Variants in SCN1A observed in about 807,000 individuals in gnomAD.
SCN1A encodes sodium channel protein type 1 subunit alpha.
In SCN1A, 13 loss-of-function variants were observed where a neutral mutation model predicts 193.7. That is an observed-to-expected ratio of 0.07 (90% CI 0.04 to 0.11). The LOEUF (loss-of-function observed/expected upper bound fraction) is 0.11. Ranked by LOEUF, SCN1A falls within the 10% of genes least tolerant of loss-of-function variation. The pLI, the probability that SCN1A is intolerant of heterozygous loss-of-function variation, is 1.00. For missense variants in SCN1A, 1,432 were observed against 2,451.1 expected (o/e 0.58, Z 8.78); for synonymous variants, 781 against 843.6 (o/e 0.93, Z 1.29).
At chr2:166,014,821 G>A (rs1352559994) in intron 20 of SCN1A, among the ~76,000 whole-genome samples, 1 of 151,562 alleles carries the variant, frequency 6.6e-6, no homozygotes, top group Non-Finnish European at 1.5e-5. Flanking sequence ...AAGAGAAAGA[G>A]TTTTCATAGG....
upstream of SCN1A, among the ~76,000 whole-genome samples, chr2:166,132,328 G>C (rs556592202): frequency 6.6e-6 from 1 of 151,894 alleles, no homozygotes; most frequent in Non-Finnish European, 1.5e-5. Flanking sequence ...CTTGGTAAAT[G>C]TAATTTACTA....
At chr2:166,052,101 A>G in intron 8 of SCN1A, 113 bp from the exon 9 acceptor site, 1 of 932,120 alleles carries the variant, frequency 1.1e-6, no homozygotes, top group Non-Finnish European at 1.6e-6. Context: ...AATGTTTGCA[A>G]CGCTAGTGGA....
At chr2:166,092,886 A>T (rs1351956721) in intron 2 of SCN1A, among the ~76,000 whole-genome samples, 1 of 152,156 alleles carries the variant, frequency 6.6e-6, no homozygotes, top group Non-Finnish European at 1.5e-5. Flanking sequence ...GTGCCAACTC[A>T]GCCCTCACTC....
At chr2:166,002,912 A>ATT in intron 23 of SCN1A, 159 bp from the exon 24 acceptor site, 6 of 578,892 alleles carry the variant, frequency 1.0e-5, no homozygotes, top group African/African-American at 7.7e-5. Flanking sequence ...CTTAAAATTC[A>ATT]TTTTTTTTTC....
intron 24 of SCN1A, 47 bp downstream of exon 24, chr2:166,002,422 GTTA>G (rs1559126986): frequency 1.3e-6 from 2 of 1,527,754 alleles, no homozygotes; most frequent in South Asian, 2.3e-5. Flanking sequence ...TCATTATTTT[GTTA>G]TTATTCCAAA....
At chr2:166,009,863 CAATT>C in intron 22 of SCN1A, 22 bp from the exon 23 acceptor site, 1 of 1,601,428 alleles carries the variant, frequency 6.2e-7, no homozygotes, top group Non-Finnish European at 8.5e-7. Context: ...AAAATAATAA[CAATT>C]AATAAACAGA....
intron 2 of SCN1A, among the ~76,000 whole-genome samples, chr2:166,104,706 C>T (rs1017495642): frequency 6.6e-6 from 1 of 152,122 alleles, no homozygotes; most frequent in African/African-American, 2.4e-5. Context: ...GGCACCACTG[C>T]ACTCCAACCT....
At chr2:166,105,381 A>G (rs1052203954) in intron 2 of SCN1A, among the ~76,000 whole-genome samples, 1 of 152,236 alleles carries the variant, frequency 6.6e-6, no homozygotes, top group African/African-American at 2.4e-5. Context: ...ATCAACCAAC[A>G]ATTTTATGAA....
intron 5 of SCN1A, among the ~76,000 whole-genome samples, chr2:166,057,450 C>T (rs1699243656): frequency 6.6e-6 from 1 of 151,842 alleles, no homozygotes; most frequent in Non-Finnish European, 1.5e-5. Flanking sequence ...ATAAAGGGTC[C>T]AGGACTAGAA....
chr2:166,058,767 A>G (rs781315801), intron 4 of SCN1A, 79 bp from the exon 5 acceptor site: 6 of 834,554 alleles, frequency 7.2e-6, no homozygotes, highest in East Asian at 5.0e-5. Context: ...GTTACTTGTC[A>G]TAATAAATTA....
At chr2:166,131,360 G>A (rs1691650855), upstream of SCN1A, among the ~76,000 whole-genome samples, 1 of 151,152 alleles carries the variant, frequency 6.6e-6, no homozygotes, top group South Asian at 2.1e-4. Context: ...GGCGTAAGAT[G>A]TCATTTAGTC....
rs377255864 is a variant in SCN1A, at chr2:166,124,554, C to CAACA, written c.-142+2366_-142+2369dup. 7.9e-3 allele frequency among the ~76,000 whole-genome samples: 1,206 copies of CAACA among 152,074 alleles called. 16 individuals carry two copies. Among genetic ancestry groups the CAACA allele is most frequent in the African/African-American group, 0.027 (1,140 of 41,498 alleles). ...AGAGTGAGACTCTGTCTCAAAAAAA[C>CAACA]AACAAACAAACAAACAAACAAATGG... On this transcript the variant is annotated intron_variant, in intron 2 of 28. Coordinates refer to ENST00000674923, the MANE Select transcript of SCN1A (RefSeq NM_001165963.4).
intron 2 of SCN1A, among the ~76,000 whole-genome samples, chr2:166,088,032 C>T (rs752298655): frequency 3.0e-4 from 45 of 150,498 alleles, no homozygotes; most frequent in Non-Finnish European, 1.9e-4. Context: ...CTGAACATCT[C>T]TGTCAATCCC....
chr2:166,083,174 G>GA (rs1467883775), intron 2 of SCN1A, among the ~76,000 whole-genome samples: 1 of 151,922 alleles, frequency 6.6e-6, no homozygotes, highest in East Asian at 1.9e-4. Flanking sequence ...TTCTTTTCTA[G>GA]AAATAATTTG....
intron 11 of SCN1A, among the ~76,000 whole-genome samples, chr2:166,047,338 T>C (rs1697965328): frequency 6.6e-6 from 1 of 152,070 alleles, no homozygotes; most frequent in African/African-American, 2.4e-5. Context: ...TGAGGGATAA[T>C]ATTTGAGGGG....
At chr2:166,057,452 G>A (rs545331) in intron 5 of SCN1A, among the ~76,000 whole-genome samples, 31,948 of 151,774 alleles carry the variant, frequency 0.21, 3,842 homozygotes, top group Middle Eastern at 0.39. Flanking sequence ...AAAGGGTCCA[G>A]GACTAGAATA....
In SCN1A at chr2:166,039,605, A is replaced by G; in HGVS notation, c.2416-9T>C. 6.2e-7 allele frequency: 1 copy of G among 1,611,534 alleles called. No homozygotes were observed. The highest frequency in any genetic ancestry group is 8.5e-7 in the Non-Finnish European group (1 of 1,177,742). On this transcript the variant is annotated splice_polypyrimidine_tract_variant and intron_variant, in intron 16 of 28. Coordinates refer to ENST00000674923, the MANE Select transcript of SCN1A (RefSeq NM_001165963.4). ...AAGATCCCAGTGAAAACCTAAGATC[A>G]AAACAAAATTAATCTAATTCCACCA...
chr2:166,038,033 A>G lies in SCN1A; in HGVS notation c.2689T>C (p.Leu897=), dbSNP rs1383621256. 6.2e-7 allele frequency: 1 copy of G among 1,614,250 alleles called. No individual in the cohort carries two copies. Residue 897 remains leucine, a synonymous_variant, in exon 18 of 29, where the codon TTG becomes CTG. Transcript: ENST00000674923. ...GCAAAAATGAAGACGATGATGGCCAAGACGAGGGTTAAATTTCCCAGAGCC... is the reference window on the plus strand; with the variant it reads ...GCAAAAATGAAGACGATGATGGCCAGGACGAGGGTTAAATTTCCCAGAGCC... ...VGALGNLTLV[L]AIIVFIFAVV... is the part of the protein sequence containing the mutation.
chr2:166,136,501 G>A (rs1473540701), intron 1 of SCN1A, among the ~76,000 whole-genome samples: 3 of 151,870 alleles, frequency 2.0e-5, no homozygotes, highest in African/African-American at 7.3e-5. Flanking sequence ...TTGTCCCTCT[G>A]CTCTCTAGGA....
Sources: gnomAD v4.1 joint callset for allele counts (sites outside exome capture counted in the v4.1 genomes callset) on GRCh38, gnomAD v4.1.1 for gene constraint, MANE v1.5 for transcripts, NCBI Gene and HGNC (gene_info 2026-07-23, HGNC 2026-07-21) for gene names.